The following PDLIM5 variants were observed in gnomAD, a reference collection of about 807,000 sequenced individuals.
The protein encoded by PDLIM5 is PDZ and LIM domain 5.
Under a neutral mutation model 64.2 loss-of-function variants are expected in PDLIM5, and 34 were observed. The observed-to-expected ratio is 0.53, with a 90% confidence interval of 0.40 to 0.71. PDLIM5 has a LOEUF of 0.71. Among genes scored for constraint, PDLIM5 ranks in the 30% least tolerant of loss-of-function variants. The probability of loss-of-function intolerance (pLI) is 0.00; values close to 1 mark genes in which losing one functional copy is unlikely to be tolerated. For synonymous variants in PDLIM5, 253 were observed against 269.1 expected (o/e 0.94, Z 0.59); for missense variants, 683 against 733.6 (o/e 0.93, Z 0.80).
At chr4:94,480,083 A>G (rs2433323) in intron 2 of PDLIM5, among the ~76,000 whole-genome samples, 56,609 of 152,078 alleles carry the variant, frequency 0.37, 11,225 homozygotes, top group Non-Finnish European at 0.45. Flanking sequence ...CTTTGAAAAA[A>G]TGTTTTAAAT....
At chr4:94,617,813 A>G (rs1042399609) in intron 7 of PDLIM5, among the ~76,000 whole-genome samples, 191 bp from the exon 8 acceptor site, 6 of 152,118 alleles carry the variant, frequency 3.9e-5, no homozygotes, top group Admixed American at 6.5e-5. Flanking sequence ...AACAAATGCA[A>G]TCTGACTCCT....
At chr4:94,657,341 G>A in intron 10 of PDLIM5, 86 bp from the exon 11 acceptor site, 1 of 942,252 alleles carries the variant, frequency 1.1e-6, no homozygotes, top group South Asian at 1.6e-5. Context: ...AGCTCTACAG[G>A]GATTTACTGG....
At chr4:94,623,614 T>A (rs1307124718) in intron 8 of PDLIM5, among the ~76,000 whole-genome samples, 1 of 138,520 alleles carries the variant, frequency 7.2e-6, no homozygotes. Context: ...GTCATACTGA[T>A]CTGTTTTACA....
At position 94,530,510 on chromosome 4, in the gene PDLIM5, AATATATAT is replaced by A. The variant is rs36209951; in HGVS notation, c.248+6665_248+6672del. Reference sequence around the variant, plus strand: ...TAAATTAATCCTCTTGGAATCACAGAATATATATATATATATATATATATATATATATA... The same window carrying A: ...TAAATTAATCCTCTTGGAATCACAGAATATATATATATATATATATATATA... On this transcript the variant is annotated intron_variant, in intron 3 of 12. Coordinates refer to ENST00000317968, the MANE Select transcript of PDLIM5 (RefSeq NM_006457.5). 3.6e-3 allele frequency among the ~76,000 whole-genome samples: 513 copies of A among 140,566 alleles called. 8 individuals carry two copies. Among genetic ancestry groups the A allele is most frequent in the African/African-American group, 0.01 (361 of 35,184 alleles). 92.2% of individuals were successfully genotyped at this position (140,566 alleles called of 152,430 possible). A position where few individuals can be genotyped will look rare whatever the true frequency, so the allele number is the denominator to read the frequency against.
rs138822544 is a variant in PDLIM5, at chr4:94,482,844, G to A, written c.96+27460G>A. ...GTCAAGGCTGCCCTGAGCCATGATC[G>A]TGCCACTGCACTCGAGCCTGGGTGA... On this transcript the variant is annotated intron_variant, in intron 2 of 12. Transcript: ENST00000317968. Among the ~76,000 whole-genome samples, 22 of 152,248 alleles carry A rather than the reference G, an allele frequency of 1.4e-4. 1 individual carries two copies. The East Asian group carries it at 4.0e-3, about 28-fold the overall frequency.
chr4:94,535,665 G>A (rs1448273560), intron 3 of PDLIM5, among the ~76,000 whole-genome samples: 1 of 152,040 alleles, frequency 6.6e-6, no homozygotes, highest in Non-Finnish European at 1.5e-5. Flanking sequence ...GAGAGACCCA[G>A]GTCCTAGTCA....
intron 7 of PDLIM5, among the ~76,000 whole-genome samples, chr4:94,602,233 A>T (rs561780932): frequency 6.6e-6 from 1 of 152,144 alleles, no homozygotes; most frequent in Non-Finnish European, 1.5e-5. Context: ...TCATTTTATC[A>T]TATTTATATT....
chr4:94,626,150 C>G (rs976686264), intron 8 of PDLIM5, among the ~76,000 whole-genome samples: 1 of 152,066 alleles, frequency 6.6e-6, no homozygotes, highest in Non-Finnish European at 1.5e-5. Context: ...CTGTTGTACC[C>G]CATCTGAGGA....
At chr4:94,511,462 A>T (rs960981854) in intron 2 of PDLIM5, among the ~76,000 whole-genome samples, 2 of 152,162 alleles carry the variant, frequency 1.3e-5, no homozygotes, top group African/African-American at 4.8e-5. Flanking sequence ...CCTTTGTGTT[A>T]CAAACAATCC....
chr4:94,589,712 TTCTC>T lies in PDLIM5; in HGVS notation c.920+3272_920+3275del, dbSNP rs373875639. ...TCTTAAGAATGTTTTCAACCTTTCT[TTCTC>T]TCTTTCTCTTTCTTTCTTTCTTTTC... On this transcript the variant is annotated intron_variant, in intron 7 of 12. Coordinates refer to ENST00000317968, the MANE Select transcript of PDLIM5 (RefSeq NM_006457.5). 1.3e-4 allele frequency among the ~76,000 whole-genome samples: 19 copies of T among 151,344 alleles called. 1 individual carries two copies. The highest frequency in any genetic ancestry group is 4.6e-4 in the African/African-American group (19 of 41,264).
chr4:94,544,796 C>T (rs1310724741), intron 3 of PDLIM5, among the ~76,000 whole-genome samples: 2 of 152,228 alleles, frequency 1.3e-5, no homozygotes, highest in Non-Finnish European at 2.9e-5. Flanking sequence ...GCTGGAATTA[C>T]AGGCATGTAC....
At chr4:94,524,677 A>G (rs959977356) in intron 3 of PDLIM5, among the ~76,000 whole-genome samples, 2 of 152,138 alleles carry the variant, frequency 1.3e-5, no homozygotes, top group African/African-American at 4.8e-5. Flanking sequence ...TTTATAATAT[A>G]TCAGGTATTT....
At chr4:94,586,901 T>C in intron 7 of PDLIM5, 1 of 1,192,920 alleles carries the variant, frequency 8.4e-7, no homozygotes, top group Non-Finnish European at 1.2e-6. Context: ...GTTTTCTGCA[T>C]GATGGAATTA....
chr4:94,667,310 CT>C lies in PDLIM5; in HGVS notation c.*3244del, dbSNP rs897839321. ...CCTGCTTATGCTTGTCCAGTTGGCC[CT>C]CCATGTCCATAGGCTTCGCATCTGT... On this transcript the variant is annotated 3_prime_UTR_variant, in exon 13 of 13. Transcript: ENST00000317968. 1 of 152,188 alleles carries C rather than the reference CT, an allele frequency of 6.6e-6. No individual in the cohort carries two copies. The highest frequency in any genetic ancestry group is 2.4e-5 in the African/African-American group (1 of 41,446). The allele number at this position is 152,188 out of a possible 1,614,324, so 9.4% of individuals were successfully genotyped here.
intron 2 of PDLIM5, among the ~76,000 whole-genome samples, chr4:94,518,938 T>C (rs1363447759): frequency 6.6e-6 from 1 of 152,196 alleles, no homozygotes; most frequent in Non-Finnish European, 1.5e-5. Flanking sequence ...TCAAGGCTTC[T>C]TCACCAACAT....
chr4:94,582,626 C>T, intron 5 of PDLIM5: 1 of 728,682 alleles, frequency 1.4e-6, no homozygotes, highest in Non-Finnish European at 2.4e-6. Flanking sequence ...CTTCTTTTCT[C>T]CCCTCTTTGT....
At chr4:94,497,448 G>T (rs1234029017) in intron 2 of PDLIM5, among the ~76,000 whole-genome samples, 1 of 152,020 alleles carries the variant, frequency 6.6e-6, no homozygotes, top group East Asian at 1.9e-4. Flanking sequence ...AGTAGAGGAA[G>T]GACTTACACT....
intron 11 of PDLIM5, among the ~76,000 whole-genome samples, chr4:94,660,655 GA>G (rs1223791304): frequency 1.3e-5 from 2 of 152,136 alleles, no homozygotes; most frequent in Non-Finnish European, 2.9e-5. Flanking sequence ...GCAGTGCCTT[GA>G]ACAATGCCTG....
intron 9 of PDLIM5, among the ~76,000 whole-genome samples, chr4:94,648,953 A>T (rs994868211): frequency 2.0e-5 from 3 of 151,580 alleles, no homozygotes; most frequent in African/African-American, 7.3e-5. Context: ...TGATTAGGGG[A>T]TGTAATTGTT....
Sources: allele counts gnomAD v4.1 joint callset (sites outside exome capture counted in the v4.1 genomes callset), GRCh38; gene constraint gnomAD v4.1.1; transcripts MANE v1.5; gene names NCBI Gene and HGNC (gene_info 2026-07-23, HGNC 2026-07-21).